Variants in ABCD3 observed in about 807,000 individuals in gnomAD.
The protein encoded by ABCD3 is ATP-binding cassette sub-family D member 3.
A neutral mutation model predicts 105.5 loss-of-function variants in ABCD3; 41 were observed. The observed-to-expected ratio is 0.39, with a 90% CI of 0.30 to 0.50. The LOEUF (loss-of-function observed/expected upper bound fraction) is 0.50. Among genes scored for constraint, ABCD3 ranks in the 20% least tolerant of loss-of-function variants. The probability of loss-of-function intolerance (pLI) is 0.84; values close to 1 mark genes in which losing one functional copy is unlikely to be tolerated. For synonymous variants in ABCD3, 258 were observed against 269.0 expected (o/e 0.96, Z 0.40); for missense variants, 622 against 806.3 (o/e 0.77, Z 2.77).
chr1:94,390,319 G>T, the ABCD3 span, among the ~76,000 whole-genome samples: 1 of 151,606 alleles, frequency 6.6e-6, no homozygotes, highest in Non-Finnish European at 1.5e-5. Context: ...ATTTATTTTT[G>T]TGAGACAGAC....
chr1:94,418,120 G>A (rs1249187081), upstream of ABCD3, among the ~76,000 whole-genome samples: 1 of 152,178 alleles, frequency 6.6e-6, no homozygotes, highest in Non-Finnish European at 1.5e-5. Flanking sequence ...CGGGGTGTGC[G>A]CGCGAAGAGT....
In ABCD3 at chr1:94,418,603, AG is replaced by A; in HGVS notation, c.110+16del. 6.3e-7 allele frequency: 1 copy of A among 1,582,018 alleles called. No individual in the cohort carries two copies. The highest frequency in any genetic ancestry group is 1.1e-5 in the South Asian group (1 of 88,228). On this transcript the variant is annotated intron_variant, in intron 1 of 22. Coordinates refer to ENST00000370214, the MANE Select transcript of ABCD3 (RefSeq NM_002858.4). The stretch of plus-strand genomic sequence containing the variant: ...GGCCTGCACGGGTAAGAAGGCCCGT[AG>A]CCGTGCAGCTTTCCCGGGCTGGAGC...
In ABCD3 at chr1:94,467,972, T is replaced by C. The variant is rs375038988; in HGVS notation, c.300T>C (p.Asp100=). ...AVMLVSRTYC[D]VWMIQNGTLI... Reference sequence around the variant, plus strand: ...TGCTGGTGTCTCGAACATATTGTGATGTTTGGATGATTCAAAATGGGACAC... The same window carrying C: ...TGCTGGTGTCTCGAACATATTGTGACGTTTGGATGATTCAAAATGGGACAC... Residue 100 remains aspartate, a synonymous_variant, in exon 4 of 23, where the codon GAT becomes GAC. Transcript: ENST00000370214. 14 of 1,613,490 alleles carry C rather than the reference T, an allele frequency of 8.7e-6. No homozygotes were observed. Among genetic ancestry groups the C allele is most frequent in the Non-Finnish European group, 1.2e-5 (14 of 1,179,676 alleles).
rs1447450507 is a variant in ABCD3 at position 94,483,207 on chromosome 1, A to G, written c.865A>G (p.Lys289Glu). The stretch of plus-strand genomic sequence containing the variant: ...CTTTTACAATGGGAATAAAAGAGAA[A>G]AGCAGACAGTCCACTCAGTCTTCCG... ...IAFYNGNKRE[K>E]QTVHSVFRKL... Residue 289 changes from lysine to glutamate, a missense_variant, in exon 10 of 23, where the codon AAG becomes GAG. Lys to Glu is a moderately conservative substitution (Grantham distance 56). Around this residue, in one of 4 missense-constraint regions of ABCD3, gnomAD observed 245 missense variants for 356.4 expected, o/e 0.69. Transcript: ENST00000370214. 1 of 1,613,240 alleles carries G rather than the reference A, an allele frequency of 6.2e-7. No homozygotes were observed.
chr1:94,406,344 T>TG, the ABCD3 span: 495 of 208,174 alleles, frequency 2.4e-3, 3 homozygotes, highest in South Asian at 0.012. Context: ...TGTTTTGTTT[T>TG]TTTTTTTTTT....
intron 1 of ABCD3, among the ~76,000 whole-genome samples, chr1:94,425,799 A>T (rs192880738): frequency 1.3e-5 from 2 of 152,178 alleles, no homozygotes; most frequent in Non-Finnish European, 2.9e-5. Flanking sequence ...AAAAATGAAC[A>T]TTTTTTTGTG....
At chr1:94,509,241 A>G (rs924156924) in intron 21 of ABCD3, among the ~76,000 whole-genome samples, 1 of 152,210 alleles carries the variant, frequency 6.6e-6, no homozygotes, top group Non-Finnish European at 1.5e-5. Context: ...CTATTGAGAT[A>G]ATCATGTGGT....
the ABCD3 span, among the ~76,000 whole-genome samples, chr1:94,386,171 G>A: frequency 6.6e-6 from 1 of 152,172 alleles, no homozygotes; most frequent in South Asian, 2.1e-4. Context: ...GAACAGCCAA[G>A]AACTCCTTTC....
intron 6 of ABCD3, 116 bp downstream of exon 6, chr1:94,475,356 G>A: frequency 1.2e-6 from 1 of 813,142 alleles, no homozygotes. Flanking sequence ...ACCACTCTTA[G>A]GTACAGAAGC....
At chr1:94,389,317 T>G in the ABCD3 span, among the ~76,000 whole-genome samples, 1 of 152,190 alleles carries the variant, frequency 6.6e-6, no homozygotes, top group African/African-American at 2.4e-5. Flanking sequence ...ACAAAATCTC[T>G]GCAGTGCTGT....
At chr1:94,467,795 A>T in intron 3 of ABCD3, 124 bp from the exon 4 acceptor site, 1 of 678,266 alleles carries the variant, frequency 1.5e-6, no homozygotes, top group Non-Finnish European at 2.6e-6. Flanking sequence ...AAAAAATGTC[A>T]GCCAACTATA....
At chr1:94,392,217 A>T in the ABCD3 span, among the ~76,000 whole-genome samples, 2 of 152,148 alleles carry the variant, frequency 1.3e-5, no homozygotes, top group African/African-American at 4.8e-5. Context: ...AGCCAATAGG[A>T]TGCATGTGGA....
At chr1:94,454,103 G>A (rs1436745198) in intron 1 of ABCD3, among the ~76,000 whole-genome samples, 3 of 151,952 alleles carry the variant, frequency 2.0e-5, no homozygotes, top group Middle Eastern at 3.4e-3. Context: ...ACATATACAC[G>A]TATTTGATGT....
intron 4 of ABCD3, among the ~76,000 whole-genome samples, chr1:94,472,537 C>T (rs964983769): frequency 6.6e-6 from 1 of 151,246 alleles, no homozygotes; most frequent in African/African-American, 2.4e-5. Context: ...TCTAAAGGAA[C>T]ATTTCCCAAA....
Position 94,517,131 on chromosome 1 carries a change from G to A in ABCD3, c.*2G>A. 1.3e-6 allele frequency: 2 copies of A among 1,596,032 alleles called. No homozygotes were observed. Among genetic ancestry groups the A allele is most frequent in the Non-Finnish European group, 1.7e-6 (2 of 1,164,558 alleles). On this transcript the variant is annotated 3_prime_UTR_variant, in exon 23 of 23. Coordinates refer to ENST00000370214, the MANE Select transcript of ABCD3 (RefSeq NM_002858.4). ...GATACAGTTGAGTTTGGCTCTTAGA[G>A]AAATCTGGAGAACTATACCTGCTTC...
chr1:94,439,591 GCTGCACTCCAGC>G (rs1268939839), intron 1 of ABCD3, among the ~76,000 whole-genome samples: 1 of 152,078 alleles, frequency 6.6e-6, no homozygotes, highest in African/African-American at 2.4e-5. Context: ...TGATTGTGCT[GCTGCACTCCAGC>G]CTGGGCAACA....
At chr1:94,407,030 A>AAACAACAACAAC in the ABCD3 span, 1 of 151,948 alleles carries the variant, frequency 6.6e-6, no homozygotes, top group African/African-American at 2.4e-5. Flanking sequence ...ACCTTCATAA[A>AAACAACAACAAC]AACAACAACA....
chr1:94,427,338 G>A (rs1022615569), intron 1 of ABCD3, among the ~76,000 whole-genome samples: 11 of 152,144 alleles, frequency 7.2e-5, no homozygotes, highest in African/African-American at 2.7e-4. Flanking sequence ...ATGCTTTGTA[G>A]CATAGTGAAC....
At chr1:94,501,960 T>C (rs1186480780) in intron 20 of ABCD3, among the ~76,000 whole-genome samples, 1 of 152,076 alleles carries the variant, frequency 6.6e-6, no homozygotes, top group Non-Finnish European at 1.5e-5. Flanking sequence ...TCCCTTTCCT[T>C]ACAATTGTTC....
Sources: gnomAD v4.1 joint callset for allele counts (sites outside exome capture counted in the v4.1 genomes callset) on GRCh38, gnomAD v4.1.1 for gene constraint, gnomAD v4.1.1 regional missense constraint, MANE v1.5 for transcripts, NCBI Gene and HGNC (gene_info 2026-07-23, HGNC 2026-07-21) for gene names.